Variants in TF observed in about 807,000 individuals in gnomAD.
TF encodes transferrin.
A neutral mutation model predicts 82.4 loss-of-function variants in TF; 55 were observed. That is an observed-to-expected ratio of 0.67 (90% CI 0.54 to 0.84). The LOEUF is 0.84. Ranked by LOEUF, TF falls within the 40% of genes least tolerant of loss-of-function variation. TF has a pLI of 0.00. For synonymous variants in TF, 332 were observed against 332.6 expected (o/e 1.00, Z 0.02); for missense variants, 737 against 868.4 (o/e 0.85, Z 1.90).
chr3:133,731,618 G>T, the TF span, among the ~76,000 whole-genome samples: 1 of 152,190 alleles, frequency 6.6e-6, no homozygotes, highest in Non-Finnish European at 1.5e-5. Flanking sequence ...TCTATGTTGG[G>T]TGTTCTGTAA....
the TF span, among the ~76,000 whole-genome samples, chr3:133,705,173 C>A: frequency 6.6e-6 from 1 of 151,758 alleles, no homozygotes; most frequent in African/African-American, 2.4e-5. Context: ...TACAGGGAGG[C>A]TGAGGCAGGA....
the TF span, among the ~76,000 whole-genome samples, chr3:133,670,120 A>G: frequency 2.0e-5 from 3 of 152,238 alleles, no homozygotes; most frequent in African/African-American, 7.2e-5. Flanking sequence ...AGCATGGACT[A>G]TGGAAGCAGG....
upstream of TF, among the ~76,000 whole-genome samples, chr3:133,745,572 G>A (rs1224748604): frequency 6.6e-6 from 1 of 152,144 alleles, no homozygotes; most frequent in Non-Finnish European, 1.5e-5. Flanking sequence ...GAGACTCATC[G>A]ACTAGAGGGG....
At chr3:133,729,761 G>A in the TF span, among the ~76,000 whole-genome samples, 1 of 152,118 alleles carries the variant, frequency 6.6e-6, no homozygotes, top group Non-Finnish European at 1.5e-5. Context: ...CGCTCACGCT[G>A]GGAGCTGTAG....
intron 3 of TF, among the ~76,000 whole-genome samples, 183 bp from the exon 4 acceptor site, chr3:133,754,312 C>T (rs1030764723): frequency 4.6e-5 from 7 of 152,128 alleles, no homozygotes; most frequent in African/African-American, 1.7e-4. Flanking sequence ...ATAAATATTC[C>T]TTCTATGGTC....
At chr3:133,708,165 C>T in the TF span, among the ~76,000 whole-genome samples, 1 of 151,992 alleles carries the variant, frequency 6.6e-6, no homozygotes, top group Non-Finnish European at 1.5e-5. Flanking sequence ...AAAATACCTA[C>T]TAGTATAGAT....
the TF span, among the ~76,000 whole-genome samples, chr3:133,669,331 T>G: frequency 6.6e-6 from 1 of 152,204 alleles, no homozygotes; most frequent in Non-Finnish European, 1.5e-5. Flanking sequence ...TGTGTTTCTT[T>G]ACTTGTCAAA....
the TF span, among the ~76,000 whole-genome samples, chr3:133,726,818 C>G: frequency 6.6e-6 from 1 of 152,122 alleles, no homozygotes; most frequent in South Asian, 2.1e-4. Flanking sequence ...TCCCTCTACA[C>G]ACTGCTCTGA....
At chr3:133,700,703 G>T in the TF span, among the ~76,000 whole-genome samples, 1 of 152,228 alleles carries the variant, frequency 6.6e-6, no homozygotes, top group East Asian at 1.9e-4. Context: ...CAGACAAGCT[G>T]GGATCTGAGG....
chr3:133,740,927 T>TTTTC, the TF span, among the ~76,000 whole-genome samples: 41 of 110,146 alleles, frequency 3.7e-4, no homozygotes, highest in East Asian at 6.8e-3. Context: ...TTTTTTTTTT[T>TTTTC]AATTTGAGTA....
chr3:133,703,451 A>G, the TF span, among the ~76,000 whole-genome samples: 7 of 152,206 alleles, frequency 4.6e-5, no homozygotes, highest in African/African-American at 1.7e-4. Flanking sequence ...TGATTGGACA[A>G]ATTTAACCTT....
intron 1 of TF, among the ~76,000 whole-genome samples, chr3:133,747,453 G>C (rs1933534517): frequency 6.6e-6 from 1 of 152,198 alleles, no homozygotes; most frequent in South Asian, 2.1e-4. Context: ...ATGCATCCTG[G>C]AGAGCTGTGG....
chr3:133,754,160 C>T, intron 3 of TF: 1 of 423,620 alleles, frequency 2.4e-6, no homozygotes, highest in Non-Finnish European at 4.4e-6. Context: ...CTTTGATGGG[C>T]CTCTGTTACC....
intron 9 of TF, 43 bp from the exon 10 acceptor site, chr3:133,764,139 A>G (rs1036996193): frequency 1.9e-6 from 3 of 1,567,210 alleles, no homozygotes; most frequent in Non-Finnish European, 2.6e-6. Context: ...TGGCACAGGA[A>G]ACAGCCTCTT....
Position 133,754,574 on chromosome 3 carries a change from G to T in TF, c.405G>T (p.Lys135Asn). ...AGATGAACCAGCTTCGAGGCAAGAA[G>T]TCCTGCCACACGGGTCTAGGCAGGT... ...GFQMNQLRGK[K>N]SCHTGLGRSA... Residue 135 changes from lysine (K) to asparagine (N), a missense_variant, in exon 4 of 17, where the codon AAG becomes AAT. Coordinates refer to ENST00000402696, the MANE Select transcript of TF (RefSeq NM_001063.4). The T allele has an allele frequency of 6.2e-7, 1 of 1,614,232 alleles. No individual in the cohort carries two copies. The highest frequency in any genetic ancestry group is 2.2e-5 in the East Asian group (1 of 44,878).
chr3:133,758,941 G>A (rs550017522), intron 8 of TF, among the ~76,000 whole-genome samples: 1 of 152,268 alleles, frequency 6.6e-6, no homozygotes, highest in South Asian at 2.1e-4. Context: ...AGTGCCCAGA[G>A]GCTGGAGAGG....
chr3:133,770,549 A>AG lies in TF; in HGVS notation c.1665dup (p.Thr556AspfsTer12). The AG allele has an allele frequency of 6.2e-7, 1 of 1,614,070 alleles. No individual in the cohort carries two copies. The highest frequency in any genetic ancestry group is 8.5e-7 in the Non-Finnish European group (1 of 1,179,988). ...GGAGATGTGGCCTTTGTGAAACACC[A>AG]GACTGTCCCACAGAACACTGGGGGT... On this transcript the variant is annotated frameshift_variant, in exon 14 of 17. Coordinates refer to ENST00000402696, the MANE Select transcript of TF (RefSeq NM_001063.4). LOFTEE classifies it high-confidence loss of function.
chr3:133,756,774 G>A, intron 6 of TF, 57 bp from the exon 7 acceptor site: 1 of 1,599,888 alleles, frequency 6.3e-7, no homozygotes, highest in South Asian at 1.1e-5. Context: ...TTTCAAGGAT[G>A]GGCACCACAG....
chr3:133,770,460 T>G (rs1429182037), intron 13 of TF, 48 bp from the exon 14 acceptor site: 5 of 1,590,738 alleles, frequency 3.1e-6, no homozygotes, highest in Non-Finnish European at 4.3e-6. Flanking sequence ...GACAGATAAG[T>G]CACTCTGACC....
Sources: gnomAD v4.1 joint callset for allele counts (sites outside exome capture counted in the v4.1 genomes callset) on GRCh38, gnomAD v4.1.1 for gene constraint, MANE v1.5 for transcripts, NCBI Gene and HGNC (gene_info 2026-07-23, HGNC 2026-07-21) for gene names.